FAM20C: variants seen among roughly 807,000 people sequenced by gnomAD.
The protein encoded by FAM20C is FAM20C golgi associated secretory pathway kinase, also known as extracellular serine/threonine protein kinase FAM20C.
Under a neutral mutation model 51.5 loss-of-function variants are expected in FAM20C, and 40 were observed. That is an observed-to-expected ratio of 0.78 (90% confidence interval 0.60 to 1.01). FAM20C has a LOEUF of 1.01. Among genes scored for constraint, FAM20C ranks in the 50% least tolerant of loss-of-function variants. The pLI, the probability that FAM20C is intolerant of heterozygous loss-of-function variation, is 0.00. For missense variants in FAM20C, 861 were observed against 844.7 expected (o/e 1.02, Z -0.24); for synonymous variants, 406 against 380.6 (o/e 1.07, Z -0.78).
In FAM20C at chr7:203,704, C is replaced by G. The variant is rs556912007; in HGVS notation, c.785-5194C>G. Among the ~76,000 whole-genome samples the G allele has an allele frequency of 5.3e-5, 8 of 152,302 alleles. No homozygotes were observed. In the South Asian group the frequency reaches 1.7e-3, roughly 32 times the overall value. On this transcript the variant is annotated intron_variant, in intron 2 of 9. Coordinates refer to ENST00000313766, the MANE Select transcript of FAM20C (RefSeq NM_020223.4). The stretch of plus-strand genomic sequence containing the variant: ...TTTAATTTCTAATTGTTTATTTGCT[C>G]CATGGGGAGGAGCTGGCCTCACAGC...
chr7:204,036 C>G (rs1719050096), intron 2 of FAM20C, among the ~76,000 whole-genome samples: 1 of 152,190 alleles, frequency 6.6e-6, no homozygotes, highest in African/African-American at 2.4e-5. Flanking sequence ...AAGGAAAAAA[C>G]AGAAAACTAA....
Position 248,310 on chromosome 7 carries a change from G to C in FAM20C, c.957-5G>C, listed in dbSNP as rs1019400429. ...ACAGACCATTCCCCGCCCGTTTCTT[G>C]CCAGGATCCTGGACTTCCGCCGGGT... On this transcript the variant is annotated splice_polypyrimidine_tract_variant and splice_region_variant and intron_variant, in intron 4 of 9. Transcript: ENST00000313766. 1.1e-5 allele frequency: 17 copies of C among 1,528,444 alleles called. No individual in the cohort carries two copies. Among genetic ancestry groups the C allele is most frequent in the Non-Finnish European group, 8.8e-7 (1 of 1,142,662 alleles). The allele number at this position is 1,528,444 out of a possible 1,614,324, so 94.7% of individuals were successfully genotyped here.
intron 8 of FAM20C, among the ~76,000 whole-genome samples, chr7:257,832 G>A (rs376998319): frequency 0.021 from 1,936 of 92,186 alleles, 70 homozygotes; most frequent in African/African-American, 0.099. Context: ...TGCTGGAGAT[G>A]GGCAGGGTGG....
At chr7:211,680 G>A (rs1273972821) in intron 3 of FAM20C, among the ~76,000 whole-genome samples, 2 of 152,190 alleles carry the variant, frequency 1.3e-5, no homozygotes, top group African/African-American at 2.4e-5. Flanking sequence ...CCAGTGTGAC[G>A]CGTGGGCTAA....
intron 8 of FAM20C, chr7:257,306 C>T: frequency 3.5e-6 from 2 of 577,746 alleles, no homozygotes; most frequent in Non-Finnish European, 6.2e-6. Flanking sequence ...CACAGGAATG[C>T]TGCAGACCAA....
chr7:200,497 G>A (rs1377239358), intron 2 of FAM20C, among the ~76,000 whole-genome samples: 1 of 152,196 alleles, frequency 6.6e-6, no homozygotes, highest in Non-Finnish European at 1.5e-5. Context: ...TGCTGCTGAG[G>A]CCTGGGGCCA....
At chr7:222,808 C>T (rs540140105) in intron 3 of FAM20C, among the ~76,000 whole-genome samples, 30 of 152,038 alleles carry the variant, frequency 2.0e-4, no homozygotes, top group Admixed American at 1.4e-3. Flanking sequence ...CCTGTGTATG[C>T]ATGTGTATGA....
At chr7:197,946 C>T (rs1448913347) in intron 2 of FAM20C, among the ~76,000 whole-genome samples, 1 of 152,216 alleles carries the variant, frequency 6.6e-6, no homozygotes, top group Non-Finnish European at 1.5e-5. Flanking sequence ...GCAGTGGTGC[C>T]CAGGCTGCCT....
intron 5 of FAM20C, among the ~76,000 whole-genome samples, chr7:255,341 G>A (rs937701115): frequency 3.3e-5 from 5 of 152,168 alleles, no homozygotes; most frequent in Non-Finnish European, 5.9e-5. Flanking sequence ...GATGGCGCCC[G>A]TCTCTTCTCA....
At chr7:228,093 G>C (rs28594078) in intron 3 of FAM20C, 1 of 259,056 alleles carries the variant, frequency 3.9e-6, no homozygotes, top group Non-Finnish European at 7.7e-6. Context: ...ACAGCGACCC[G>C]TCAGAGCTGA....
chr7:212,660 G>A (rs756870154), intron 3 of FAM20C, among the ~76,000 whole-genome samples: 4 of 152,144 alleles, frequency 2.6e-5, no homozygotes, highest in South Asian at 4.1e-4. Context: ...TGTGGGGGGC[G>A]GGATCACCAG....
At chr7:223,446 G>A (rs1172864182) in intron 3 of FAM20C, among the ~76,000 whole-genome samples, 2 of 152,218 alleles carry the variant, frequency 1.3e-5, no homozygotes, top group Non-Finnish European at 2.9e-5. Flanking sequence ...CGTCTGTCTC[G>A]CTCTCCGGGG....
chr7:227,802 C>G (rs1787503485), intron 3 of FAM20C: 1 of 152,478 alleles, frequency 6.6e-6, no homozygotes, highest in Non-Finnish European at 1.5e-5. Flanking sequence ...GAAATAAAGT[C>G]TAAACCATCG....
chr7:206,628 TCGGCCCCG>T (rs1786410190), intron 2 of FAM20C, among the ~76,000 whole-genome samples: 3 of 143,208 alleles, frequency 2.1e-5, no homozygotes, highest in African/African-American at 5.3e-5. Flanking sequence ...CATGGTCCCC[TCGGCCCCG>T]CACACGTGTC....
chr7:209,905 C>T (rs1370441015), intron 3 of FAM20C, among the ~76,000 whole-genome samples: 3 of 152,230 alleles, frequency 2.0e-5, no homozygotes, highest in Non-Finnish European at 4.4e-5. Context: ...GTTTCTGGGC[C>T]TCTCATTTCT....
intron 2 of FAM20C, chr7:197,468 G>A (rs1408372502): frequency 6.0e-6 from 1 of 166,970 alleles, no homozygotes; most frequent in African/African-American, 2.4e-5. Flanking sequence ...CAGCACGCAA[G>A]TTAGAAAGTC....
At chr7:259,539 T>C in intron 9 of FAM20C, among the ~76,000 whole-genome samples, 192 bp from the exon 10 acceptor site, 1 of 152,206 alleles carries the variant, frequency 6.6e-6, no homozygotes. Context: ...TGCCTTTCTC[T>C]CTCCCTCTCT....
At chr7:241,168 G>A (rs1041263838) in intron 3 of FAM20C, among the ~76,000 whole-genome samples, 1 of 151,614 alleles carries the variant, frequency 6.6e-6, no homozygotes, top group Admixed American at 6.5e-5. Context: ...CTCCTGCTGG[G>A]GTCACCTGGG....
chr7:255,915 A>C lies in FAM20C; in HGVS notation c.1139A>C (p.Lys380Thr), dbSNP rs1269245819. The change falls in exon 6 of 10, where the codon AAG becomes ACG. Residue 380 changes from lysine (K) to threonine (T), a missense_variant. Lys to Thr is a moderately conservative substitution (Grantham distance 78). Coordinates refer to ENST00000313766, the MANE Select transcript of FAM20C (RefSeq NM_020223.4). ...TCCACGGAGCACGCCCTGTGCGGGA[A>C]GCCAGACCAGATCGAGGGCTCGCTG... The part of the protein sequence containing the change: ...YCSTEHALCG[K>T]PDQIEGSLAA... 1 of 1,536,352 alleles carries C rather than the reference A, an allele frequency of 6.5e-7. No homozygotes were observed. Among genetic ancestry groups the C allele is most frequent in the African/African-American group, 1.4e-5 (1 of 73,060 alleles).
Sources: allele counts gnomAD v4.1 joint callset (sites outside exome capture counted in the v4.1 genomes callset), GRCh38; gene constraint gnomAD v4.1.1; transcripts MANE v1.5; gene names NCBI Gene and HGNC (gene_info 2026-07-23, HGNC 2026-07-21).